ADGRL3: variants seen among roughly 807,000 people sequenced by gnomAD.
ADGRL3 encodes calcium-independent alpha-latrotoxin receptor 3.
Under a neutral mutation model 153.5 loss-of-function variants are expected in ADGRL3, and 62 were observed. The ratio of observed to expected loss-of-function variants is 0.40; its 90% confidence interval spans 0.33 to 0.50. The LOEUF (loss-of-function observed/expected upper bound fraction) is 0.50. Ranked by LOEUF, ADGRL3 falls within the 20% of genes least tolerant of loss-of-function variation. The probability of loss-of-function intolerance (pLI) is 0.47; values close to 1 mark genes in which losing one functional copy is unlikely to be tolerated. For missense variants in ADGRL3, 1,641 were observed against 1,859.4 expected (o/e 0.88, Z 2.16); for synonymous variants, 710 against 672.5 (o/e 1.06, Z -0.86).
chr4:61,357,803 T>G (rs772545458), intron 1 of ADGRL3, among the ~76,000 whole-genome samples: 23 of 152,222 alleles, frequency 1.5e-4, no homozygotes, highest in Middle Eastern at 3.4e-3. Flanking sequence ...GAGAAGATAT[T>G]GTTTACTATA....
At chr4:61,715,978 C>T (rs1441949860) in intron 6 of ADGRL3, among the ~76,000 whole-genome samples, 1 of 150,080 alleles carries the variant, frequency 6.7e-6, no homozygotes, top group Non-Finnish European at 1.5e-5. Context: ...AAATCCTTTC[C>T]TCGACAATAC....
intron 1 of ADGRL3, among the ~76,000 whole-genome samples, chr4:61,381,631 A>C (rs1451080889): frequency 6.6e-6 from 1 of 151,892 alleles, no homozygotes. Flanking sequence ...TGGGAGGGAA[A>C]AAAATAAAAG....
intron 11 of ADGRL3, among the ~76,000 whole-genome samples, chr4:61,898,141 G>T (rs147764973): frequency 8.7e-4 from 133 of 152,172 alleles, no homozygotes; most frequent in Middle Eastern, 6.8e-3. Context: ...AGCCAAAGAA[G>T]GACACACTTA....
chr4:61,749,713 G>T (rs1474591809), intron 8 of ADGRL3, among the ~76,000 whole-genome samples: 1 of 151,910 alleles, frequency 6.6e-6, no homozygotes, highest in Non-Finnish European at 1.5e-5. Flanking sequence ...CTGTTGTAGG[G>T]TGGGGGGTGG....
At chr4:61,914,762 T>A (rs1294152557) in intron 13 of ADGRL3, among the ~76,000 whole-genome samples, 1 of 152,168 alleles carries the variant, frequency 6.6e-6, no homozygotes, top group Non-Finnish European at 1.5e-5. Flanking sequence ...AATATTATGA[T>A]CTGATTCAGG....
chr4:61,432,630 CTTTCTTTCTTTCTTTCT>C (rs2097378733), intron 2 of ADGRL3, among the ~76,000 whole-genome samples: 2 of 50,498 alleles, frequency 4.0e-5, no homozygotes, highest in African/African-American at 1.5e-4. Flanking sequence ...TTCTTTCTTT[CTTTCTTTCTTTCTTTCT>C]TTCTTTCTTT....
At chr4:61,573,274 A>G (rs1334815258) in intron 4 of ADGRL3, among the ~76,000 whole-genome samples, 2 of 151,942 alleles carry the variant, frequency 1.3e-5, no homozygotes, top group African/African-American at 4.8e-5. Flanking sequence ...CTTTTTTCCA[A>G]ATTAGAATTA....
chr4:61,820,736 T>A (rs1005723432), intron 9 of ADGRL3, among the ~76,000 whole-genome samples: 1 of 152,154 alleles, frequency 6.6e-6, no homozygotes, highest in Non-Finnish European at 1.5e-5. Flanking sequence ...AAATACTACT[T>A]CGGTGATTTT....
At chr4:61,537,622 C>T (rs550457788) in intron 4 of ADGRL3, among the ~76,000 whole-genome samples, 1 of 152,148 alleles carries the variant, frequency 6.6e-6, no homozygotes, top group Non-Finnish European at 1.5e-5. Context: ...GCTCCAATGT[C>T]TGAAATTCTT....
chr4:61,614,107 A>G (rs1450128723), intron 5 of ADGRL3, among the ~76,000 whole-genome samples: 1 of 152,200 alleles, frequency 6.6e-6, no homozygotes, highest in Admixed American at 6.6e-5. Flanking sequence ...TTACAAAATA[A>G]AAAAGTACTG....
chr4:61,533,925 C>G (rs745487994), intron 4 of ADGRL3, among the ~76,000 whole-genome samples: 3 of 152,028 alleles, frequency 2.0e-5, no homozygotes, highest in Non-Finnish European at 4.4e-5. Context: ...TCAGGGGATA[C>G]ACGTGCAGGT....
intron 13 of ADGRL3, among the ~76,000 whole-genome samples, chr4:61,915,405 C>A (rs2098740883): frequency 6.6e-6 from 1 of 151,464 alleles, no homozygotes; most frequent in African/African-American, 2.4e-5. Context: ...AGCTGAAGAT[C>A]ATTTCTGAGC....
chr4:61,860,631 G>A (rs1027241015), intron 9 of ADGRL3, among the ~76,000 whole-genome samples: 2 of 152,044 alleles, frequency 1.3e-5, no homozygotes, highest in South Asian at 2.1e-4. Flanking sequence ...CTCCATCTGC[G>A]GTCCTTCCCC....
intron 2 of ADGRL3, among the ~76,000 whole-genome samples, chr4:61,487,234 A>G (rs908933103): frequency 2.0e-5 from 3 of 152,250 alleles, no homozygotes; most frequent in African/African-American, 7.2e-5. Context: ...GCTTTGATGC[A>G]AATCTGGGCT....
intron 6 of ADGRL3, among the ~76,000 whole-genome samples, chr4:61,713,902 G>A (rs1015350975): frequency 1.3e-5 from 2 of 152,118 alleles, no homozygotes; most frequent in Non-Finnish European, 2.9e-5. Flanking sequence ...CAATCATCAG[G>A]TGTATCTAAG....
chr4:61,586,120 A>G (rs1345610655), intron 4 of ADGRL3, among the ~76,000 whole-genome samples: 1 of 152,080 alleles, frequency 6.6e-6, no homozygotes, highest in African/African-American at 2.4e-5. Context: ...GTTTTGAAGA[A>G]GAAAGTATTG....
chr4:61,762,667 C>G (rs2096926906), intron 8 of ADGRL3, among the ~76,000 whole-genome samples: 1 of 152,008 alleles, frequency 6.6e-6, no homozygotes, highest in South Asian at 2.1e-4. Flanking sequence ...CTTGGTTTTC[C>G]TAAGCAAAGA....
intron 17 of ADGRL3, among the ~76,000 whole-genome samples, chr4:61,966,228 G>T (rs971663585): frequency 6.6e-6 from 1 of 151,982 alleles, no homozygotes. Flanking sequence ...GCACATAATA[G>T]GTACCCAATA....
At chr4:61,599,863 A>G (rs920394370) in intron 5 of ADGRL3, among the ~76,000 whole-genome samples, 3 of 152,320 alleles carry the variant, frequency 2.0e-5, no homozygotes, top group East Asian at 1.9e-4. Context: ...GAGTCACAAC[A>G]GCTTTTACTC....
Sources: allele counts gnomAD v4.1 joint callset (sites outside exome capture counted in the v4.1 genomes callset), GRCh38; gene constraint gnomAD v4.1.1; transcripts MANE v1.5; gene names NCBI Gene and HGNC (gene_info 2026-07-23, HGNC 2026-07-21).